Variants in SZT2 observed in about 807,000 individuals in gnomAD.
SZT2 encodes SZT2 subunit of KICSTOR complex.
A neutral mutation model predicts 404.2 loss-of-function variants in SZT2; 216 were observed. The ratio of observed to expected loss-of-function variants is 0.53; its 90% CI spans 0.48 to 0.60. The LOEUF is 0.60. Ranked by LOEUF, SZT2 falls within the 20% of genes least tolerant of loss-of-function variation. SZT2 has a pLI of 0.00. For synonymous variants in SZT2, 1,693 were observed against 1,749.9 expected, an observed-to-expected ratio of 0.97 and a Z score of 0.81; for missense variants, 3,857 against 4,459.2, an observed-to-expected ratio of 0.86 and a Z score of 3.85.
At position 43,434,382 on chromosome 1, in the gene SZT2, C is replaced by A; in HGVS notation, c.5805-4C>A. On this transcript the variant is annotated splice_polypyrimidine_tract_variant and splice_region_variant and intron_variant, in intron 40 of 71. Coordinates refer to ENST00000634258, the MANE Select transcript of SZT2 (RefSeq NM_001365999.1). The stretch of plus-strand genomic sequence containing the variant: ...GTTCTGGTCAGATTATCCTTCCTTC[C>A]CAGGAGCCTGATTCGGGAGGATGGG... 1 of 1,588,750 alleles carries A rather than the reference C, an allele frequency of 6.3e-7. No homozygotes were observed. The highest frequency in any genetic ancestry group is 1.8e-5 in the Admixed American group (1 of 54,618).
At chr1:43,399,092 G>GA (rs928816715) in intron 1 of SZT2, among the ~76,000 whole-genome samples, 38 of 151,420 alleles carry the variant, frequency 2.5e-4, no homozygotes, top group Non-Finnish European at 5.0e-4. Flanking sequence ...AAAAAAAAAA[G>GA]AAAAAAATCA....
chr1:43,454,023 G>T lies in SZT2; in HGVS notation c.*3543G>T, dbSNP rs2153939208. 2 of 1,165,976 alleles carry T rather than the reference G, an allele frequency of 1.7e-6. No homozygotes were observed. Among genetic ancestry groups the T allele is most frequent in the Non-Finnish European group, 2.1e-6 (2 of 946,480 alleles). 72.2% of individuals were successfully genotyped at this position (1,165,976 alleles called of 1,614,324 possible). A position where few individuals can be genotyped will look rare whatever the true frequency, so the allele number is the denominator to read the frequency against. ...GCGAAGGGGCGGAGCGAGGGCGGCC[G>T]GAAAAGGAGCAGGACCCGCGCCTGG... On this transcript the variant is annotated 3_prime_UTR_variant, in exon 72 of 72. Transcript: ENST00000634258.
At chr1:43,418,660 C>T (rs1314138068) in intron 7 of SZT2, among the ~76,000 whole-genome samples, 1 of 152,082 alleles carries the variant, frequency 6.6e-6, no homozygotes. Context: ...AGGCTATGAT[C>T]GTAGTTGGGG....
chr1:43,426,527 G>C lies in SZT2; in HGVS notation c.3203G>C (p.Cys1068Ser). 6 of 1,578,842 alleles carry C rather than the reference G, an allele frequency of 3.8e-6. No individual in the cohort carries two copies. The highest frequency in any genetic ancestry group is 5.1e-6 in the Non-Finnish European group (6 of 1,169,760). Residue 1068 changes from cysteine to serine, a missense_variant, in exon 22 of 72, where the codon TGC (cysteine) becomes TCC (serine). Cys to Ser is a moderately radical substitution (Grantham distance 112, BLOSUM62 -1). This residue lies in a region of SZT2 where 1,725 missense variants were observed against 1,881.0 expected (regional missense o/e 0.92). Transcript: ENST00000634258. This position sits in a 1 kb window ranked among gnomAD's most constrained non-coding sequence, Gnocchi z 4.9. ...AFLSEVLRRT[C>S]HVPGAEGPLL... ...TTGAGTGAGGTGCTGCGGCGGACCT[G>C]CCACGTTCCAGGTGAGTTCCCCACA... is the stretch of plus-strand genomic sequence containing the variant.
At chr1:43,394,771 G>C (rs556899404) in intron 1 of SZT2, among the ~76,000 whole-genome samples, 16 of 152,060 alleles carry the variant, frequency 1.1e-4, no homozygotes, top group African/African-American at 3.9e-4. Flanking sequence ...CCAGCTACTC[G>C]GAAGGCTGAG....
chr1:43,430,412 G>A (rs1653724123), intron 31 of SZT2, 23 bp downstream of exon 31: 3 of 1,604,990 alleles, frequency 1.9e-6, no homozygotes, highest in African/African-American at 2.7e-5. Flanking sequence ...GTGAGTCAAG[G>A]TGGGGAAGGC....
intron 4 of SZT2, chr1:43,406,482 A>T (rs1650329229): frequency 6.2e-6 from 1 of 162,050 alleles, no homozygotes; most frequent in African/African-American, 2.4e-5. Context: ...TGACAGAGGG[A>T]CCAGCAAAAG....
chr1:43,427,102 C>T lies in SZT2; in HGVS notation c.3356C>T (p.Pro1119Leu). 6.2e-7 allele frequency: 1 copy of T among 1,614,208 alleles called. No individual in the cohort carries two copies. Among genetic ancestry groups the T allele is most frequent in the Non-Finnish European group, 8.5e-7 (1 of 1,180,032 alleles). ...ETLKPLISAQ[P>L]PQWRCYARLV... is the part of the protein sequence containing the mutation. ...CTCAAGCCTCTCATCTCTGCCCAGC[C>T]CCCTCAGTGGCGCTGCTATGCAAGG... Residue 1119 changes from proline (P) to leucine (L), a missense_variant, in exon 24 of 72, where the codon CCC becomes CTC. Coordinates refer to ENST00000634258, the MANE Select transcript of SZT2 (RefSeq NM_001365999.1).
In SZT2 at chr1:43,420,622, T is replaced by C. The variant is rs1205435198; in HGVS notation, c.1262-127T>C. 3.0e-6 allele frequency: 3 copies of C among 996,284 alleles called. No individual in the cohort carries two copies. Among genetic ancestry groups the C allele is most frequent in the Non-Finnish European group, 4.3e-6 (3 of 689,768 alleles). The allele number at this position is 996,284 out of a possible 1,614,324, so 61.7% of individuals were successfully genotyped here. Reference sequence around the variant, plus strand: ...GGGCCAACTCTGGGCCTGAAACCTGTGGAACCATGCTTGGAACCTTTGGCA... The same window carrying C: ...GGGCCAACTCTGGGCCTGAAACCTGCGGAACCATGCTTGGAACCTTTGGCA... On this transcript the variant is annotated intron_variant, in intron 9 of 71. Transcript: ENST00000634258. The surrounding 1 kb of genome is among the most constrained non-coding windows in gnomAD (Gnocchi z 5.1).
chr1:43,431,077 C>A lies in SZT2; in HGVS notation c.4903C>A (p.Pro1635Thr), dbSNP rs1653810421. Residue 1635 changes from proline to threonine, a missense_variant, in exon 33 of 72, where the codon CCT (proline) becomes ACT (threonine). Pro to Thr is a conservative substitution (Grantham distance 38). Transcript: ENST00000634258. ...AGTGGAGCTCCCCACGGCCTCGGAC[C>A]CTCAGCACCACCGGTGTGGCAGCAA... Reference protein sequence around the residue: ...LEVELPTASDPQHHRSTSESS... With the variant: ...LEVELPTASDTQHHRSTSESS... The A allele has an allele frequency of 1.2e-6, 2 of 1,613,438 alleles. No homozygotes were observed. Among genetic ancestry groups the A allele is most frequent in the African/African-American group, 1.3e-5 (1 of 74,962 alleles).
At position 43,453,672 on chromosome 1, in the gene SZT2, T is replaced by TACGGCCAGGCCACCTCG; in HGVS notation, c.*3199_*3215dup. ...CGCCAGCGCCTCAGGCGTCTCCGCG[T>TACGGCCAGGCCACCTCG]ACGGCCAGGCCACCTCGACGGCCTC... On this transcript the variant is annotated 3_prime_UTR_variant, in exon 72 of 72. Coordinates refer to ENST00000634258, the MANE Select transcript of SZT2 (RefSeq NM_001365999.1). 1 of 1,479,754 alleles carries TACGGCCAGGCCACCTCG rather than the reference T, an allele frequency of 6.8e-7. No homozygotes were observed. Among genetic ancestry groups the TACGGCCAGGCCACCTCG allele is most frequent in the Non-Finnish European group, 8.9e-7 (1 of 1,123,554 alleles). The allele number at this position is 1,479,754 out of a possible 1,614,324, so 91.7% of individuals were successfully genotyped here.
intron 65 of SZT2, 182 bp from the exon 66 acceptor site, chr1:43,446,773 G>T: frequency 1.5e-6 from 1 of 658,986 alleles, no homozygotes; most frequent in Admixed American, 2.8e-5. Context: ...TTACAATACA[G>T]TATGAAAAAG....
rs1016066439 is a variant in SZT2, at chr1:43,437,621, G to A, written c.6317G>A (p.Arg2106Gln). The A allele has an allele frequency of 9.9e-6, 16 of 1,613,926 alleles. No homozygotes were observed. The African/African-American group carries it at 1.1e-4, about 11-fold the overall frequency. ...CTCCTAGAGACATCCTGCAGTGACC[G>A]GCCATGGAAAGGGGATGCGCTGCCC... Reference protein sequence around the residue: ...LRLLETSCSDRPWKGDALPPS... With the variant: ...LRLLETSCSDQPWKGDALPPS... The change falls in exon 45 of 72, where the codon CGG becomes CAG. Residue 2106 changes from arginine (R) to glutamine (Q), a missense_variant. This residue lies in a region of SZT2 where 261 missense variants were observed against 372.9 expected (regional missense o/e 0.70). Transcript: ENST00000634258. The surrounding 1 kb of genome is among the most constrained non-coding windows in gnomAD (Gnocchi z 5.3).
At chr1:43,444,826 G>C (rs183416326) in intron 62 of SZT2, among the ~76,000 whole-genome samples, 1 of 152,024 alleles carries the variant, frequency 6.6e-6, no homozygotes, top group African/African-American at 2.4e-5. Flanking sequence ...AGCTACTTTC[G>C]TGTCTCCAGA....
Position 43,414,429 on chromosome 1 carries a change from A to C in SZT2, c.499-653A>C, listed in dbSNP as rs1355935479. ...TATGTACCCACAAAAATTTTTAAAA[A>C]AAAATTTTTTTTTATACAGTCTCAC... On this transcript the variant is annotated intron_variant, in intron 4 of 71. Transcript: ENST00000634258. Among the ~76,000 whole-genome samples the C allele has an allele frequency of 3.9e-5, 6 of 152,226 alleles. No individual in the cohort carries two copies. In the South Asian group the frequency reaches 1.2e-3, roughly 32 times the overall value.
chr1:43,446,591 A>G, intron 65 of SZT2, 175 bp downstream of exon 65: 1 of 751,624 alleles, frequency 1.3e-6, no homozygotes, highest in Non-Finnish European at 2.2e-6. Flanking sequence ...GACTGCACTC[A>G]CTACAAGGCT....
Position 43,440,517 on chromosome 1 carries a change from T to C in SZT2, c.7275T>C (p.Pro2425=), listed in dbSNP as rs771745066. The stretch of plus-strand genomic sequence containing the variant: ...CAGGCCGAGCTAGCACCTTTCCCCC[T>C]GCCCCTGTCCCTGGGGAGCCTGTGA... ...SSAGRASTFP[P]APVPGEPVTP... Residue 2425 remains proline, a synonymous_variant, in exon 52 of 72, where the codon CCT becomes CCC. Coordinates refer to ENST00000634258, the MANE Select transcript of SZT2 (RefSeq NM_001365999.1). The C allele has an allele frequency of 6.8e-6, 11 of 1,608,980 alleles. No individual in the cohort carries two copies. The African/African-American group carries it at 1.2e-4, about 18-fold the overall frequency.
At position 43,391,977 on chromosome 1, in the gene SZT2, G is replaced by A. The variant is rs1280881957; in HGVS notation, c.27+1982G>A. 4.5e-5 allele frequency among the ~76,000 whole-genome samples: 3 copies of A among 66,110 alleles called. 1 individual carries two copies. The highest frequency in any genetic ancestry group is 6.5e-4 in the East Asian group (2 of 3,070). 43.4% of individuals were successfully genotyped at this position (66,110 alleles called of 152,430 possible). A position where few individuals can be genotyped will look rare whatever the true frequency, so the allele number is the denominator to read the frequency against. ...CGGGCGCCTGTAGTCCCAGCTACTC[G>A]GGAGGCTGAGGCAGGAGAATGGCGT... On this transcript the variant is annotated intron_variant, in intron 1 of 71. Transcript: ENST00000634258.
chr1:43,451,719 T>C lies in SZT2; in HGVS notation c.*1239T>C. The C allele has an allele frequency of 6.2e-7, 1 of 1,614,064 alleles. No homozygotes were observed. The highest frequency in any genetic ancestry group is 8.5e-7 in the Non-Finnish European group (1 of 1,179,956). On this transcript the variant is annotated 3_prime_UTR_variant, in exon 72 of 72. Transcript: ENST00000634258. Reference sequence around the variant, plus strand: ...CATGATCTGCCAGTGGAATATGTCCTAGGGAAGAGGATACTACATTCCGAG... The same window carrying C: ...CATGATCTGCCAGTGGAATATGTCCCAGGGAAGAGGATACTACATTCCGAG...
Sources: allele counts gnomAD v4.1 joint callset (sites outside exome capture counted in the v4.1 genomes callset), GRCh38; gene constraint gnomAD v4.1.1; regional missense constraint gnomAD v4.1.1; non-coding constraint Gnocchi (gnomAD v3.1); transcripts MANE v1.5; gene names NCBI Gene and HGNC (gene_info 2026-07-23, HGNC 2026-07-21).